The following PTPRG variants were observed in gnomAD, a reference collection of about 807,000 sequenced individuals.
PTPRG encodes the protein receptor-type tyrosine-protein phosphatase gamma.
PTPRG carries 102 observed loss-of-function variants against 165.3 expected under a neutral mutation model. The observed-to-expected ratio is 0.62, with a 90% CI of 0.53 to 0.73. The LOEUF (loss-of-function observed/expected upper bound fraction) is 0.73. PTPRG is among the 30% of genes least tolerant of loss of function. PTPRG has a pLI of 0.00. For synonymous variants in PTPRG, 675 were observed against 669.5 expected (o/e 1.01, Z -0.13); for missense variants, 1,866 against 1,861.4 (o/e 1.00, Z -0.05).
intron 8 of PTPRG, among the ~76,000 whole-genome samples, chr3:62,185,919 T>A (rs1705863773): frequency 6.6e-6 from 1 of 152,218 alleles, no homozygotes; most frequent in Non-Finnish European, 1.5e-5. Context: ...GCCCACACTT[T>A]CTGTTATACC....
chr3:62,027,052 G>A (rs1276635613), intron 4 of PTPRG, among the ~76,000 whole-genome samples: 1 of 152,022 alleles, frequency 6.6e-6, no homozygotes, highest in African/African-American at 2.4e-5. Flanking sequence ...AAATCATTTA[G>A]AGTCAGTATA....
At chr3:61,918,366 A>G (rs1575783350) in intron 2 of PTPRG, among the ~76,000 whole-genome samples, 1 of 152,156 alleles carries the variant, frequency 6.6e-6, no homozygotes, top group African/African-American at 2.4e-5. Context: ...AAATATGTAT[A>G]TATATATATA....
In PTPRG at chr3:62,069,971, T is replaced by C. The variant is rs930841285; in HGVS notation, c.520-8192T>C. On this transcript the variant is annotated intron_variant, in intron 4 of 29. Transcript: ENST00000474889. ...TTAAATGTTAATCACATGTAAAAAA[T>C]ACTTTCACAAAAAATAACAATGATC... Among the ~76,000 whole-genome samples, 7 of 152,264 alleles carry C rather than the reference T, an allele frequency of 4.6e-5. No homozygotes were observed. The South Asian group carries it at 1.5e-3, about 32-fold the overall frequency.
At chr3:62,098,947 C>T (rs1702201550) in intron 5 of PTPRG, among the ~76,000 whole-genome samples, 1 of 152,146 alleles carries the variant, frequency 6.6e-6, no homozygotes, top group South Asian at 2.1e-4. Context: ...GTTTTAGAAA[C>T]AAAAGGCATA....
At position 62,220,888 on chromosome 3, in the gene PTPRG, C is replaced by A. The variant is rs368054763; in HGVS notation, c.2288+1905C>A. ...ACAGCTGCCACAGCATAAAGAAACA[C>A]TTTGTACCCAGCAATTCTGGCAAAA... On this transcript the variant is annotated intron_variant, in intron 13 of 29. Transcript: ENST00000474889. 3.1e-3 allele frequency among the ~76,000 whole-genome samples: 468 copies of A among 152,274 alleles called. 2 individuals are homozygous for A. Among genetic ancestry groups the A allele is most frequent in the African/African-American group, 0.011 (440 of 41,554 alleles).
chr3:62,189,091 G>C (rs932920065), intron 8 of PTPRG, among the ~76,000 whole-genome samples: 17 of 152,116 alleles, frequency 1.1e-4, no homozygotes, highest in African/African-American at 4.1e-4. Context: ...CAGATTCTTT[G>C]TTTGATGTCC....
intron 14 of PTPRG, among the ~76,000 whole-genome samples, chr3:62,242,033 G>C (rs912531871): frequency 2.0e-5 from 3 of 152,126 alleles, no homozygotes; most frequent in Admixed American, 6.5e-5. Context: ...TGGAGAAGGT[G>C]GGGGAGGAGA....
At chr3:62,089,023 T>G (rs1701844140) in intron 5 of PTPRG, among the ~76,000 whole-genome samples, 1 of 152,200 alleles carries the variant, frequency 6.6e-6, no homozygotes, top group Non-Finnish European at 1.5e-5. Flanking sequence ...ACTTTACAAT[T>G]CTCTTTTGAT....
At chr3:62,017,228 C>CT (rs1456181995) in intron 4 of PTPRG, among the ~76,000 whole-genome samples, 7 of 152,082 alleles carry the variant, frequency 4.6e-5, no homozygotes, top group African/African-American at 1.7e-4. Flanking sequence ...GTAAGAAACT[C>CT]TAATTCCTGA....
At chr3:61,956,981 G>A (rs1047477581) in intron 2 of PTPRG, among the ~76,000 whole-genome samples, 11 of 152,096 alleles carry the variant, frequency 7.2e-5, no homozygotes, top group African/African-American at 2.7e-4. Flanking sequence ...AGGAAATTAG[G>A]TTGAAAATGT....
At chr3:62,081,258 A>G (rs1701564911) in intron 5 of PTPRG, among the ~76,000 whole-genome samples, 1 of 88,670 alleles carries the variant, frequency 1.1e-5, no homozygotes, top group Non-Finnish European at 2.3e-5. Context: ...CTCCGTCTCA[A>G]AACAAACAAA....
intron 4 of PTPRG, among the ~76,000 whole-genome samples, chr3:62,074,352 C>CTTTCTTTT (rs1701310935): frequency 9.2e-6 from 1 of 109,116 alleles, no homozygotes; most frequent in African/African-American, 3.8e-5. Context: ...TCTTTTCTTT[C>CTTTCTTTT]TTTTTTTTTT....
At chr3:61,964,134 G>A (rs2040216087) in intron 2 of PTPRG, among the ~76,000 whole-genome samples, 1 of 152,202 alleles carries the variant, frequency 6.6e-6, no homozygotes. Context: ...GCTTCAGAAG[G>A]TATAGAGCAC....
chr3:61,706,209 G>GA (rs916303209), intron 1 of PTPRG, among the ~76,000 whole-genome samples: 44 of 147,788 alleles, frequency 3.0e-4, no homozygotes, highest in South Asian at 1.1e-3. Flanking sequence ...CCCTGGGGGG[G>GA]AAAAAAAAAA....
chr3:61,766,967 G>A (rs1262630605), intron 2 of PTPRG, among the ~76,000 whole-genome samples: 1 of 151,796 alleles, frequency 6.6e-6, no homozygotes, highest in Middle Eastern at 3.2e-3. Context: ...AATTAGGACA[G>A]GAGCACTGGC....
intron 2 of PTPRG, among the ~76,000 whole-genome samples, chr3:61,911,077 C>A (rs1334005540): frequency 6.6e-6 from 1 of 152,218 alleles, no homozygotes. Context: ...CTTCCAGTTT[C>A]TCATAGTGTC....
At chr3:62,170,284 GC>G (rs1705167368) in intron 8 of PTPRG, among the ~76,000 whole-genome samples, 1 of 151,906 alleles carries the variant, frequency 6.6e-6, no homozygotes. Context: ...CAACTAGAAA[GC>G]TTTCTCCCAA....
chr3:61,981,726 C>T (rs188170528), intron 2 of PTPRG, among the ~76,000 whole-genome samples: 39 of 152,186 alleles, frequency 2.6e-4, no homozygotes, highest in East Asian at 9.7e-4. Context: ...GGACGTGCTC[C>T]GATTGAATTT....
intron 2 of PTPRG, among the ~76,000 whole-genome samples, chr3:61,764,046 G>C (rs1346975513): frequency 6.6e-6 from 1 of 152,138 alleles, no homozygotes; most frequent in Non-Finnish European, 1.5e-5. Context: ...TGTGACAGTG[G>C]TGTTCAGAGG....
Sources: allele counts gnomAD v4.1 joint callset (sites outside exome capture counted in the v4.1 genomes callset), GRCh38; gene constraint gnomAD v4.1.1; transcripts MANE v1.5; gene names NCBI Gene and HGNC (gene_info 2026-07-23, HGNC 2026-07-21).